Variants in AKNA observed in about 807,000 individuals in gnomAD.
AKNA encodes AT-hook transcription factor.
Under a neutral mutation model 138.8 loss-of-function variants are expected in AKNA, and 67 were observed. The observed-to-expected ratio is 0.48, with a 90% CI of 0.40 to 0.59. The LOEUF (loss-of-function observed/expected upper bound fraction) is 0.59, where lower values mean the gene tolerates loss of function less well. AKNA is among the 20% of genes least tolerant of loss of function. AKNA has a pLI of 0.00. For missense variants in AKNA, 1,813 were observed against 1,880.4 expected (o/e 0.96, Z 0.66); for synonymous variants, 737 against 754.4 (o/e 0.98, Z 0.38).
chr9:114,342,241 C>A (rs1830407164), intron 19 of AKNA, 116 bp from the exon 20 acceptor site: 4 of 674,556 alleles, frequency 5.9e-6, no homozygotes, highest in Non-Finnish European at 9.8e-6. Context: ...GCGGAGGGGA[C>A]AAGCTGCCTC....
upstream of AKNA, among the ~76,000 whole-genome samples, chr9:114,396,993 T>C (rs982631790): frequency 6.6e-6 from 1 of 152,194 alleles, no homozygotes; most frequent in Non-Finnish European, 1.5e-5. Context: ...GCTGGGACCA[T>C]TCCCAGTCTC....
downstream of AKNA, chr9:114,331,502 A>C (rs1829850326): frequency 6.7e-6 from 9 of 1,347,730 alleles, no homozygotes; most frequent in Non-Finnish European, 9.5e-6. Flanking sequence ...AGGACTCCTC[A>C]CCTGTAAGAC....
upstream of AKNA, among the ~76,000 whole-genome samples, chr9:114,391,023 T>G (rs1282778897): frequency 1.3e-5 from 2 of 152,168 alleles, no homozygotes; most frequent in African/African-American, 4.8e-5. Flanking sequence ...AGAAATACAA[T>G]AAATATATCC....
At chr9:114,374,555 G>A (rs144509000) in intron 3 of AKNA, among the ~76,000 whole-genome samples, 42 of 152,280 alleles carry the variant, frequency 2.8e-4, no homozygotes, top group East Asian at 1.7e-3. Context: ...CTGCACTGTC[G>A]GTGTTTAAGA....
intron 4 of AKNA, 77 bp from the exon 5 acceptor site, chr9:114,368,672 G>A (rs1238819101): frequency 2.2e-5 from 27 of 1,209,862 alleles, no homozygotes; most frequent in Non-Finnish European, 2.9e-5. Flanking sequence ...TCTTCATTCA[G>A]GAGCTCAACA....
chr9:114,359,428 A>G, intron 11 of AKNA, 166 bp downstream of exon 11: 1 of 1,364,762 alleles, frequency 7.3e-7, no homozygotes, highest in Non-Finnish European at 9.8e-7. Flanking sequence ...CACACTACCC[A>G]AAATCATTTC....
chr9:114,385,230 C>A (rs774133554), intron 1 of AKNA, among the ~76,000 whole-genome samples: 7 of 152,192 alleles, frequency 4.6e-5, no homozygotes, highest in Non-Finnish European at 7.3e-5. Context: ...TCTTGGAAAT[C>A]CCTGCCAGGG....
chr9:114,339,200 ACT>A (rs1830180045), intron 21 of AKNA, among the ~76,000 whole-genome samples: 1 of 151,684 alleles, frequency 6.6e-6, no homozygotes, highest in South Asian at 2.1e-4. Context: ...GTTACCCAAA[ACT>A]CTCCCTAGGG....
rs779455974 is a variant in AKNA, at chr9:114,376,066, G to A, written c.1341+400C>T. On this transcript the variant is annotated intron_variant, in intron 3 of 21. Transcript: ENST00000374088. ...TCCACCTCAGCCAGCCTCCACCCCA[G>A]GCCTCCCCACCCCACCAGCCTCTAT... 46 of 336,390 alleles carry A rather than the reference G, an allele frequency of 1.4e-4. 1 individual carries two copies. Among genetic ancestry groups the A allele is most frequent in the South Asian group, 8.5e-4 (43 of 50,734 alleles). 20.8% of individuals were successfully genotyped at this position (336,390 alleles called of 1,614,324 possible). A position where few individuals can be genotyped will look rare whatever the true frequency, so the allele number is the denominator to read the frequency against.
In AKNA at chr9:114,343,823, C is replaced by T; in HGVS notation, c.3662-20G>A. On this transcript the variant is annotated intron_variant, in intron 18 of 21. Transcript: ENST00000374088. ...CGTGGCCTGGGGAAAGAAACCAGAA[C>T]TGTCAGTATCAGCCCTGTGGATGGA... 1.9e-6 allele frequency: 3 copies of T among 1,594,220 alleles called. No individual in the cohort carries two copies. The highest frequency in any genetic ancestry group is 1.7e-6 in the Non-Finnish European group (2 of 1,164,096).
At chr9:114,349,746 C>T (rs1452923605) in intron 15 of AKNA, among the ~76,000 whole-genome samples, 1 of 152,222 alleles carries the variant, frequency 6.6e-6, no homozygotes, top group Non-Finnish European at 1.5e-5. Flanking sequence ...CTCTACCCCT[C>T]TCTTCCTTTA....
upstream of AKNA, among the ~76,000 whole-genome samples, chr9:114,397,085 C>G (rs1834557362): frequency 6.6e-6 from 1 of 152,148 alleles, no homozygotes; most frequent in Non-Finnish European, 1.5e-5. Flanking sequence ...ACAAACAGCC[C>G]CAATCACATG....
At chr9:114,368,657 C>T (rs1383271212) in intron 4 of AKNA, 62 bp from the exon 5 acceptor site, 2 of 1,272,262 alleles carry the variant, frequency 1.6e-6, no homozygotes, top group Non-Finnish European at 2.0e-6. Context: ...ACCTGAAACG[C>T]CTCATCTTCA....
chr9:114,357,734 AG>A, intron 12 of AKNA, among the ~76,000 whole-genome samples, 186 bp downstream of exon 12: 1 of 152,194 alleles, frequency 6.6e-6, no homozygotes, highest in African/African-American at 2.4e-5. Flanking sequence ...GCTCCGGAAG[AG>A]GGACAGGTTT....
At chr9:114,352,151 A>T (rs1168664492) in intron 14 of AKNA, among the ~76,000 whole-genome samples, 1 of 152,196 alleles carries the variant, frequency 6.6e-6, no homozygotes, top group African/African-American at 2.4e-5. Flanking sequence ...AACGTTCTGT[A>T]TCTTGACTGC....
chr9:114,346,598 G>A (rs1830704554), intron 17 of AKNA, 71 bp downstream of exon 17: 2 of 1,233,964 alleles, frequency 1.6e-6, no homozygotes, highest in East Asian at 2.4e-5. Context: ...TGTTGCTGTG[G>A]TCCCTGACCA....
intron 14 of AKNA, 143 bp from the exon 15 acceptor site, chr9:114,351,164 A>G (rs755862926): frequency 8.8e-6 from 7 of 796,998 alleles, no homozygotes; most frequent in Non-Finnish European, 1.4e-5. Context: ...GAGGCCAATG[A>G]CCCACACTGA....
chr9:114,338,490 C>T (rs1035060374), intron 21 of AKNA, among the ~76,000 whole-genome samples: 9 of 152,238 alleles, frequency 5.9e-5, no homozygotes, highest in African/African-American at 2.2e-4. Flanking sequence ...AAACCCAGTG[C>T]CTAGCCCAGG....
At chr9:114,375,855 G>C (rs1161583465) in intron 3 of AKNA, 1 of 388,242 alleles carries the variant, frequency 2.6e-6, no homozygotes, top group African/African-American at 2.1e-5. Context: ...TACAATCACT[G>C]GTCTTTTTGA....
Sources: gnomAD v4.1 joint callset for allele counts (sites outside exome capture counted in the v4.1 genomes callset) on GRCh38, gnomAD v4.1.1 for gene constraint, MANE v1.5 for transcripts, NCBI Gene and HGNC (gene_info 2026-07-23, HGNC 2026-07-21) for gene names.